The following GSK3B variants were observed in gnomAD, a reference collection of about 807,000 sequenced individuals.
GSK3B encodes glycogen synthase kinase 3 beta.
GSK3B carries 15 observed loss-of-function variants against 56.4 expected under a neutral mutation model. The observed-to-expected ratio is 0.27, with a 90% CI of 0.18 to 0.41. The LOEUF is 0.41. Among genes scored for constraint, GSK3B ranks in the 10% least tolerant of loss-of-function variants. The probability of loss-of-function intolerance (pLI) is 1.00; values close to 1 mark genes in which losing one functional copy is unlikely to be tolerated. For missense variants in GSK3B, 300 were observed against 513.4 expected (o/e 0.58, Z 4.02); for synonymous variants, 181 against 188.9 (o/e 0.96, Z 0.34).
At chr3:119,909,501 G>A (rs891709025) in intron 6 of GSK3B, among the ~76,000 whole-genome samples, 1 of 152,200 alleles carries the variant, frequency 6.6e-6, no homozygotes, top group Admixed American at 6.5e-5. Context: ...TCCTATTCAT[G>A]TCCAGCTGAT....
intron 1 of GSK3B, among the ~76,000 whole-genome samples, chr3:120,084,082 T>A (rs1432849400): frequency 6.6e-6 from 1 of 152,126 alleles, no homozygotes; most frequent in East Asian, 1.9e-4. Context: ...TATGAACACC[T>A]GAGTAATGAA....
At position 119,940,171 on chromosome 3, in the gene GSK3B, A is replaced by AAT. The variant is rs2057034537; in HGVS notation, c.366+7095_366+7096dup. Among the ~76,000 whole-genome samples, 4 of 151,562 alleles carry AAT rather than the reference A, an allele frequency of 2.6e-5. No homozygotes were observed. In the East Asian group the frequency reaches 5.8e-4, roughly 22 times the overall value. On this transcript the variant is annotated intron_variant, in intron 3 of 10. Transcript: ENST00000264235. ...TATATAACACAAGTATATATATAAA[A>AAT]ATATATATAAAACACAAGTATATAT...
At chr3:119,896,121 C>A (rs2056560660) in intron 7 of GSK3B, among the ~76,000 whole-genome samples, 2 of 142,382 alleles carry the variant, frequency 1.4e-5, no homozygotes, top group Admixed American at 7.2e-5. Flanking sequence ...GAGCGAGACT[C>A]TGTCTCAAAA....
At chr3:120,076,806 T>A (rs1328346410) in intron 1 of GSK3B, among the ~76,000 whole-genome samples, 2 of 75,314 alleles carry the variant, frequency 2.7e-5, no homozygotes, top group Admixed American at 2.1e-4. Flanking sequence ...AGAGCGAAAC[T>A]CCGTCTCAAA....
chr3:119,911,850 G>C (rs558927289), intron 6 of GSK3B, among the ~76,000 whole-genome samples: 1 of 152,292 alleles, frequency 6.6e-6, no homozygotes, highest in African/African-American at 2.4e-5. Flanking sequence ...TTCAGGCCTT[G>C]CTGGGTTAGG....
At chr3:120,041,522 T>C (rs1272327618) in intron 1 of GSK3B, 3 of 223,838 alleles carry the variant, frequency 1.3e-5, no homozygotes, top group Non-Finnish European at 2.9e-5. Flanking sequence ...ACTTTGATTC[T>C]TTAGAGTCAC....
intron 2 of GSK3B, among the ~76,000 whole-genome samples, chr3:119,962,282 G>A (rs543004220): frequency 6.6e-6 from 1 of 151,666 alleles, no homozygotes; most frequent in Non-Finnish European, 1.5e-5. Flanking sequence ...GGCTGAGGCA[G>A]GAGAATCGCT....
At chr3:119,908,634 C>T (rs1209106307) in intron 6 of GSK3B, among the ~76,000 whole-genome samples, 1 of 152,198 alleles carries the variant, frequency 6.6e-6, no homozygotes, top group Non-Finnish European at 1.5e-5. Context: ...CATACTAAGA[C>T]TCTGAGAATT....
chr3:120,089,758 G>T (rs2058495697), intron 1 of GSK3B, among the ~76,000 whole-genome samples: 1 of 152,060 alleles, frequency 6.6e-6, no homozygotes, highest in Admixed American at 6.6e-5. Context: ...GCCACAAACA[G>T]TCCCTTACTT....
chr3:120,075,682 G>C (rs752200767), intron 1 of GSK3B, among the ~76,000 whole-genome samples: 78 of 152,138 alleles, frequency 5.1e-4, no homozygotes, highest in Non-Finnish European at 8.7e-4. Flanking sequence ...CCAAAAAGTT[G>C]AAAGACCTGT....
chr3:119,951,826 A>G (rs1283850697), intron 2 of GSK3B, among the ~76,000 whole-genome samples: 2 of 152,136 alleles, frequency 1.3e-5, no homozygotes, highest in African/African-American at 4.8e-5. Flanking sequence ...AAAAATGACA[A>G]TTGCACAACA....
chr3:119,881,725 T>C (rs1163620280), intron 7 of GSK3B, among the ~76,000 whole-genome samples: 2 of 152,230 alleles, frequency 1.3e-5, no homozygotes, highest in Admixed American at 6.5e-5. Context: ...GTTACTGATA[T>C]GGTTTGGCTA....
intron 7 of GSK3B, among the ~76,000 whole-genome samples, chr3:119,879,072 G>C (rs377448583): frequency 6.6e-6 from 1 of 152,166 alleles, no homozygotes; most frequent in Non-Finnish European, 1.5e-5. Flanking sequence ...CATAGTAGGT[G>C]TATGTATCTG....
At chr3:120,017,705 T>G (rs532013104) in intron 1 of GSK3B, among the ~76,000 whole-genome samples, 3 of 152,340 alleles carry the variant, frequency 2.0e-5, no homozygotes, top group East Asian at 3.9e-4. Flanking sequence ...TTACTCTAAG[T>G]CAGTCCTACA....
chr3:120,042,764 C>T (rs2058073999), intron 1 of GSK3B, among the ~76,000 whole-genome samples: 1 of 152,110 alleles, frequency 6.6e-6, no homozygotes, highest in South Asian at 2.1e-4. Flanking sequence ...AAATATCATA[C>T]TCCTTGGCAC....
intron 7 of GSK3B, among the ~76,000 whole-genome samples, chr3:119,878,993 A>G (rs2056347742): frequency 6.6e-6 from 1 of 152,226 alleles, no homozygotes; most frequent in Admixed American, 6.5e-5. Flanking sequence ...GTGTAAGCGT[A>G]TGGAAAAACT....
chr3:119,844,900 C>T (rs920084601), intron 9 of GSK3B, among the ~76,000 whole-genome samples: 3 of 152,052 alleles, frequency 2.0e-5, no homozygotes, highest in African/African-American at 7.2e-5. Flanking sequence ...AACATAGATG[C>T]AAAAATCCTC....
chr3:120,066,497 T>C (rs939792736), intron 1 of GSK3B, among the ~76,000 whole-genome samples: 2 of 152,174 alleles, frequency 1.3e-5, no homozygotes, highest in African/African-American at 4.8e-5. Flanking sequence ...TATAAATACG[T>C]ACTTAAAAAG....
chr3:120,009,688 G>A lies in GSK3B; in HGVS notation c.89-7449C>T, dbSNP rs553050693. 3.9e-5 allele frequency among the ~76,000 whole-genome samples: 6 copies of A among 152,188 alleles called. No homozygotes were observed. The South Asian group carries it at 1.0e-3, about 26-fold the overall frequency. On this transcript the variant is annotated intron_variant, in intron 1 of 10. Transcript: ENST00000264235. ...GTGAACATCACACACCAGGGTCTGT[G>A]GGGGGTGGGGGGCTAGGGGAGACAT...
Sources: gnomAD v4.1 joint callset for allele counts (sites outside exome capture counted in the v4.1 genomes callset) on GRCh38, gnomAD v4.1.1 for gene constraint, MANE v1.5 for transcripts, NCBI Gene and HGNC (gene_info 2026-07-23, HGNC 2026-07-21) for gene names.